The following LRP1B variants were observed in gnomAD, a reference collection of about 807,000 sequenced individuals.
LRP1B encodes low-density lipoprotein receptor-related protein 1B.
A neutral mutation model predicts 556.6 loss-of-function variants in LRP1B; 217 were observed. The observed-to-expected ratio is 0.39, with a 90% CI of 0.35 to 0.44. The LOEUF is 0.44. Ranked by LOEUF, LRP1B falls within the 20% of genes least tolerant of loss-of-function variation. The pLI is 1.00. For synonymous variants in LRP1B, 2,047 were observed against 1,865.8 expected (o/e 1.10, Z -2.50); for missense variants, 5,053 against 5,620.8 (o/e 0.90, Z 3.23).
Position 141,970,008 on chromosome 2 carries a change from A to C in LRP1B, c.83-159607T>G, listed in dbSNP as rs1701684730. 2.0e-5 allele frequency among the ~76,000 whole-genome samples: 3 copies of C among 151,398 alleles called. No homozygotes were observed. The South Asian group carries it at 6.2e-4, about 31-fold the overall frequency. On this transcript the variant is annotated intron_variant, in intron 1 of 90. Transcript: ENST00000389484. The stretch of plus-strand genomic sequence containing the variant: ...GAGCTGATATCTCATTGCAGTTTTA[A>C]TTTCCATTTTCCTAAGATTAGCAAT...
intron 2 of LRP1B, among the ~76,000 whole-genome samples, chr2:141,577,247 T>C (rs777857059): frequency 3.7e-4 from 57 of 152,318 alleles, no homozygotes; most frequent in Non-Finnish European, 2.2e-4. Context: ...CCTAGAAGAA[T>C]GACTTGGTTT....
chr2:141,940,860 T>C (rs1210849591), intron 1 of LRP1B, among the ~76,000 whole-genome samples: 1 of 152,182 alleles, frequency 6.6e-6, no homozygotes, highest in Non-Finnish European at 1.5e-5. Context: ...TTTTAATCAC[T>C]CCTGTTACAG....
chr2:140,737,422 C>T (rs1687983510), intron 35 of LRP1B, among the ~76,000 whole-genome samples: 1 of 152,164 alleles, frequency 6.6e-6, no homozygotes, highest in Non-Finnish European at 1.5e-5. Context: ...GAAGGTGCTA[C>T]AAAAGCTAGG....
chr2:140,966,275 T>G (rs888447493), intron 18 of LRP1B, among the ~76,000 whole-genome samples: 1 of 152,224 alleles, frequency 6.6e-6, no homozygotes, highest in Admixed American at 6.5e-5. Context: ...TATCTCATTG[T>G]GGTTTTGATT....
intron 2 of LRP1B, among the ~76,000 whole-genome samples, chr2:141,696,062 C>G (rs188622997): frequency 7.9e-5 from 12 of 152,032 alleles, no homozygotes; most frequent in Non-Finnish European, 1.2e-4. Context: ...TTAATGTAAT[C>G]TGTTTTCCTT....
intron 41 of LRP1B, among the ~76,000 whole-genome samples, chr2:140,690,561 C>A (rs1295706628): frequency 6.6e-6 from 1 of 152,276 alleles, no homozygotes; most frequent in East Asian, 1.9e-4. Flanking sequence ...CACAGGACAT[C>A]TTTTGAGATA....
At chr2:142,125,032 T>C (rs1386769646) in intron 1 of LRP1B, among the ~76,000 whole-genome samples, 1 of 151,726 alleles carries the variant, frequency 6.6e-6, no homozygotes, top group Non-Finnish European at 1.5e-5. Context: ...ATAGAAAGGA[T>C]GGAGAGAAAG....
chr2:142,062,738 A>G (rs1704967089), intron 1 of LRP1B, among the ~76,000 whole-genome samples: 1 of 151,792 alleles, frequency 6.6e-6, no homozygotes, highest in Non-Finnish European at 1.5e-5. Context: ...GTAAGACATT[A>G]TTTATCAATA....
At chr2:140,592,738 G>A (rs1202324212) in intron 43 of LRP1B, among the ~76,000 whole-genome samples, 1 of 152,116 alleles carries the variant, frequency 6.6e-6, no homozygotes, top group Non-Finnish European at 1.5e-5. Flanking sequence ...TAAAACAACT[G>A]ATTTTAAAAG....
chr2:140,753,357 ATC>A (rs1321528281), intron 35 of LRP1B, among the ~76,000 whole-genome samples: 1 of 152,244 alleles, frequency 6.6e-6, no homozygotes, highest in Admixed American at 6.5e-5. Flanking sequence ...AATATGATTT[ATC>A]TCTCTAAAAA....
At chr2:140,629,479 G>C (rs987604104) in intron 41 of LRP1B, among the ~76,000 whole-genome samples, 1 of 150,378 alleles carries the variant, frequency 6.6e-6, no homozygotes, top group African/African-American at 2.5e-5. Flanking sequence ...TATAAAAACA[G>C]GCTTATGTAT....
chr2:140,700,150 TA>T, intron 41 of LRP1B, 99 bp downstream of exon 41: 1 of 1,065,426 alleles, frequency 9.4e-7, no homozygotes, highest in Non-Finnish European at 1.4e-6. Flanking sequence ...ATATAAAATC[TA>T]GGAAAATGTA....
Position 140,387,548 on chromosome 2 carries a change from C to T in LRP1B, c.10415-1539G>A, listed in dbSNP as rs143586375. Among the ~76,000 whole-genome samples the T allele has an allele frequency of 3.4e-3, 523 of 151,772 alleles. 4 individuals are homozygous for T. Among genetic ancestry groups the T allele is most frequent in the African/African-American group, 0.012 (506 of 41,394 alleles). On this transcript the variant is annotated intron_variant, in intron 66 of 90. Coordinates refer to ENST00000389484, the MANE Select transcript of LRP1B (RefSeq NM_018557.3). ...CCAGCAACATTTTATTAGAGAAATTCTTATGATAGATTTCAAATGCATTTT... is the reference window on the plus strand; with the variant it reads ...CCAGCAACATTTTATTAGAGAAATTTTTATGATAGATTTCAAATGCATTTT...
At chr2:141,645,906 T>TA (rs1689546334) in intron 2 of LRP1B, among the ~76,000 whole-genome samples, 1 of 152,076 alleles carries the variant, frequency 6.6e-6, no homozygotes, top group Admixed American at 6.6e-5. Flanking sequence ...CATTTTGATT[T>TA]AAAAAAAGTA....
At chr2:141,815,889 C>T (rs986273026) in intron 1 of LRP1B, among the ~76,000 whole-genome samples, 1 of 152,136 alleles carries the variant, frequency 6.6e-6, no homozygotes, top group African/African-American at 2.4e-5. Flanking sequence ...GACCGTGAAC[C>T]CACCGGAAGG....
At chr2:142,118,380 C>T (rs1359241087) in intron 1 of LRP1B, among the ~76,000 whole-genome samples, 1 of 152,080 alleles carries the variant, frequency 6.6e-6, no homozygotes, top group African/African-American at 2.4e-5. Flanking sequence ...CACGCTATTG[C>T]TAGATTTTTC....
rs185026157 is a variant in LRP1B at position 141,608,304 on chromosome 2, G to A, written c.206-127771C>T. On this transcript the variant is annotated intron_variant, in intron 2 of 90. Coordinates refer to ENST00000389484, the MANE Select transcript of LRP1B (RefSeq NM_018557.3). ...CATGGTTTTTGGCAAATTTTCCCTA[G>A]AGAAGCATTTCAAAAACTAGAGCAT... is the stretch of plus-strand genomic sequence containing the variant. Among the ~76,000 whole-genome samples, 64 of 152,268 alleles carry A rather than the reference G, an allele frequency of 4.2e-4. No homozygotes were observed. In the East Asian group the frequency reaches 9.7e-3, roughly 23 times the overall value.
At chr2:140,647,071 A>T (rs1684510783) in intron 41 of LRP1B, among the ~76,000 whole-genome samples, 1 of 152,164 alleles carries the variant, frequency 6.6e-6, no homozygotes, top group Middle Eastern at 3.2e-3. Flanking sequence ...TTCACAATTA[A>T]ATGAAATAAT....
chr2:140,702,269 A>G lies in LRP1B; in HGVS notation c.6174T>C (p.Asp2058=). The G allele has an allele frequency of 6.2e-7, 1 of 1,613,732 alleles. No homozygotes were observed. Among genetic ancestry groups the G allele is most frequent in the East Asian group, 2.2e-5 (1 of 44,874 alleles). ...TTCTCTCTATCTTGTCTGTGCGAGC[A>G]TCACACCAGTACAATTTATTTTCCT... The part of the protein sequence containing the change: ...DYEENKLYWC[D]ARTDKIERID... The change falls in exon 39 of 91, where the codon GAT becomes GAC. Residue 2058 remains aspartate (D), a synonymous_variant. Transcript: ENST00000389484.
Sources: allele counts gnomAD v4.1 joint callset (sites outside exome capture counted in the v4.1 genomes callset), GRCh38; gene constraint gnomAD v4.1.1; transcripts MANE v1.5; gene names NCBI Gene and HGNC (gene_info 2026-07-23, HGNC 2026-07-21).